The following ZNF804B variants were observed in gnomAD, a reference collection of about 807,000 sequenced individuals.
ZNF804B encodes the protein zinc finger 804B.
Under a neutral mutation model 101.4 loss-of-function variants are expected in ZNF804B, and 80 were observed. The ratio of observed to expected loss-of-function variants is 0.79; its 90% CI spans 0.66 to 0.95. ZNF804B has a LOEUF of 0.95. ZNF804B is among the 40% of genes least tolerant of loss of function. The probability of loss-of-function intolerance (pLI) is 0.00; values close to 1 mark genes in which losing one functional copy is unlikely to be tolerated. For synonymous variants in ZNF804B, 622 were observed against 558.8 expected, an observed-to-expected ratio of 1.11 and a Z score of -1.59; for missense variants, 1,673 against 1,561.9, an observed-to-expected ratio of 1.07 and a Z score of -1.20.
intron 1 of ZNF804B, among the ~76,000 whole-genome samples, chr7:89,009,523 G>A (rs1011224965): frequency 6.6e-6 from 1 of 152,150 alleles, no homozygotes; most frequent in African/African-American, 2.4e-5. Flanking sequence ...GAATGTTTAT[G>A]TGTCCCCTCA....
chr7:89,166,650 A>G (rs1389068386), intron 1 of ZNF804B, among the ~76,000 whole-genome samples: 1 of 152,180 alleles, frequency 6.6e-6, no homozygotes, highest in East Asian at 1.9e-4. Flanking sequence ...GAGCATCACT[A>G]CTGGTGCTTT....
chr7:88,858,251 T>C (rs536619767), intron 1 of ZNF804B, among the ~76,000 whole-genome samples: 12 of 152,360 alleles, frequency 7.9e-5, no homozygotes, highest in African/African-American at 2.9e-4. Flanking sequence ...TGGGTATTAC[T>C]TTCCTAGTTT....
intron 2 of ZNF804B, among the ~76,000 whole-genome samples, chr7:89,279,157 G>A (rs1203356072): frequency 0.036 from 5,533 of 152,046 alleles, 303 homozygotes; most frequent in African/African-American, 0.13. Flanking sequence ...CTGTTTGTCT[G>A]TTATTGGTGT....
At chr7:88,978,802 G>GCCTT (rs1562849610) in intron 1 of ZNF804B, among the ~76,000 whole-genome samples, 2 of 132,964 alleles carry the variant, frequency 1.5e-5, no homozygotes, top group Non-Finnish European at 3.2e-5. Context: ...CTCCCTCCCT[G>GCCTT]CCTCCCTCCC....
At chr7:89,212,924 T>C (rs1165284905) in intron 1 of ZNF804B, among the ~76,000 whole-genome samples, 1 of 152,122 alleles carries the variant, frequency 6.6e-6, no homozygotes, top group South Asian at 2.1e-4. Flanking sequence ...CTGAGCCCCA[T>C]CACCTATATT....
intron 1 of ZNF804B, among the ~76,000 whole-genome samples, chr7:88,922,652 TCA>T (rs1792735889): frequency 6.6e-6 from 1 of 151,856 alleles, no homozygotes; most frequent in Non-Finnish European, 1.5e-5. Flanking sequence ...CTAATTAGCC[TCA>T]CAGAAAAATT....
rs375054952 is a variant in ZNF804B, at chr7:89,273,127, A to G, written c.250-54217A>G. Among the ~76,000 whole-genome samples, 368 of 152,274 alleles carry G rather than the reference A, an allele frequency of 2.4e-3. 3 individuals carry two copies. The highest frequency in any genetic ancestry group is 8.6e-3 in the African/African-American group (356 of 41,580). ...TTATAACAAACCTAAGCACTATGTC[A>G]TCATAAAAATGCACAACCCTTCAAA... is the stretch of plus-strand genomic sequence containing the variant. On this transcript the variant is annotated intron_variant, in intron 2 of 3. Coordinates refer to ENST00000333190, the MANE Select transcript of ZNF804B (RefSeq NM_181646.5).
chr7:89,290,665 G>A (rs2115895719), intron 2 of ZNF804B, among the ~76,000 whole-genome samples: 1 of 152,206 alleles, frequency 6.6e-6, no homozygotes, highest in Non-Finnish European at 1.5e-5. Flanking sequence ...AGGTAAAAGG[G>A]GGAAGGACTG....
intron 2 of ZNF804B, among the ~76,000 whole-genome samples, chr7:89,224,791 G>T (rs1789061426): frequency 6.6e-6 from 1 of 150,754 alleles, no homozygotes; most frequent in Non-Finnish European, 1.5e-5. Context: ...TCACCCAGCA[G>T]TAGTTGCAAC....
intron 2 of ZNF804B, among the ~76,000 whole-genome samples, chr7:89,302,990 G>GT (rs1790505693): frequency 6.6e-6 from 1 of 151,870 alleles, no homozygotes; most frequent in African/African-American, 2.4e-5. Context: ...CGTTGGTAGT[G>GT]TTTTATAAAA....
intron 1 of ZNF804B, among the ~76,000 whole-genome samples, chr7:89,050,388 T>C (rs147694200): frequency 5.3e-4 from 81 of 152,272 alleles, no homozygotes; most frequent in Admixed American, 9.2e-4. Flanking sequence ...CCTCCTGTAA[T>C]AAAGTCGTAC....
chr7:88,963,475 T>A (rs989038928), intron 1 of ZNF804B, among the ~76,000 whole-genome samples: 4 of 151,284 alleles, frequency 2.6e-5, no homozygotes, highest in Admixed American at 6.6e-5. Context: ...TGCAAAAAAA[T>A]GAAGTTGAAT....
In ZNF804B at chr7:88,944,215, A is replaced by G. The variant is rs564331337; in HGVS notation, c.108+184131A>G. ...GGCTATATCATGTTGCACTCCCACC[A>G]GTAGTCTGTGAGAGTTTAGGTTATT... On this transcript the variant is annotated intron_variant, in intron 1 of 3. Coordinates refer to ENST00000333190, the MANE Select transcript of ZNF804B (RefSeq NM_181646.5). Among the ~76,000 whole-genome samples the G allele has an allele frequency of 2.6e-5, 4 of 151,774 alleles. No homozygotes were observed. In the East Asian group the frequency reaches 7.8e-4, roughly 30 times the overall value.
At chr7:88,780,593 C>T (rs1236896969) in intron 1 of ZNF804B, among the ~76,000 whole-genome samples, 1 of 151,722 alleles carries the variant, frequency 6.6e-6, no homozygotes, top group Non-Finnish European at 1.5e-5. Flanking sequence ...CACCATATTG[C>T]CCACACTGGT....
intron 1 of ZNF804B, among the ~76,000 whole-genome samples, chr7:88,800,337 A>G (rs568244947): frequency 2.6e-5 from 4 of 152,240 alleles, no homozygotes; most frequent in African/African-American, 7.2e-5. Flanking sequence ...CTCTTCACCA[A>G]TAGTATTACG....
chr7:89,035,490 G>A (rs914088267), intron 1 of ZNF804B, among the ~76,000 whole-genome samples: 21 of 152,080 alleles, frequency 1.4e-4, no homozygotes, highest in Admixed American at 3.3e-4. Context: ...ATGTGTGTGT[G>A]TGTATGTTTC....
intron 2 of ZNF804B, among the ~76,000 whole-genome samples, chr7:89,299,977 C>CT (rs1790449918): frequency 6.6e-6 from 1 of 151,770 alleles, no homozygotes; most frequent in Non-Finnish European, 1.5e-5. Flanking sequence ...AATTTCCCAA[C>CT]AATTAATTCT....
intron 2 of ZNF804B, among the ~76,000 whole-genome samples, chr7:89,318,387 A>C (rs1472161076): frequency 6.6e-6 from 1 of 152,230 alleles, no homozygotes; most frequent in Non-Finnish European, 1.5e-5. Context: ...TGCAAACAAA[A>C]AGACAAAAAG....
intron 1 of ZNF804B, among the ~76,000 whole-genome samples, chr7:88,761,650 C>A (rs190469825): frequency 6.6e-6 from 1 of 152,138 alleles, no homozygotes; most frequent in Non-Finnish European, 1.5e-5. Flanking sequence ...TATTTTTCAA[C>A]GCTTTGGTAA....
Sources: gnomAD v4.1 joint callset for allele counts (sites outside exome capture counted in the v4.1 genomes callset) on GRCh38, gnomAD v4.1.1 for gene constraint, MANE v1.5 for transcripts, NCBI Gene and HGNC (gene_info 2026-07-23, HGNC 2026-07-21) for gene names.